The following ANKS1B variants were observed in gnomAD, a reference collection of about 807,000 sequenced individuals.
The protein encoded by ANKS1B is ankyrin repeat and sterile alpha motif domain containing 1B.
A neutral mutation model predicts 148.3 loss-of-function variants in ANKS1B; 36 were observed. The ratio of observed to expected loss-of-function variants is 0.24; its 90% CI spans 0.19 to 0.32. The LOEUF is 0.32. ANKS1B is among the 10% of genes least tolerant of loss of function. The pLI, the probability that ANKS1B is intolerant of heterozygous loss-of-function variation, is 1.00. For synonymous variants in ANKS1B, 542 were observed against 560.8 expected, an observed-to-expected ratio of 0.97 and a Z score of 0.47; for missense variants, 1,157 against 1,542.6, an observed-to-expected ratio of 0.75 and a Z score of 4.19.
chr12:99,426,514 T>C (rs1325943035), intron 11 of ANKS1B, among the ~76,000 whole-genome samples: 2 of 152,178 alleles, frequency 1.3e-5, no homozygotes, highest in African/African-American at 2.4e-5. Context: ...ATATCAGTTA[T>C]TCCTGTGTCC....
intron 17 of ANKS1B, among the ~76,000 whole-genome samples, chr12:98,852,192 T>C (rs2153773596): frequency 6.6e-6 from 1 of 152,182 alleles, no homozygotes; most frequent in Admixed American, 6.5e-5. Flanking sequence ...GCTCAGCAAT[T>C]AGAACTTGTT....
At chr12:98,901,993 A>C (rs1267407995) in intron 17 of ANKS1B, among the ~76,000 whole-genome samples, 2 of 152,200 alleles carry the variant, frequency 1.3e-5, no homozygotes, top group East Asian at 3.8e-4. Context: ...TTTGGATCAC[A>C]AATTTAAAAC....
intron 8 of ANKS1B, among the ~76,000 whole-genome samples, chr12:99,666,255 A>G (rs2153460466): frequency 6.6e-6 from 1 of 152,334 alleles, no homozygotes; most frequent in East Asian, 1.9e-4. Context: ...TTCTTCTTTG[A>G]AATTATTTTG....
At chr12:99,301,850 G>C (rs1343806554) in intron 12 of ANKS1B, among the ~76,000 whole-genome samples, 1 of 152,106 alleles carries the variant, frequency 6.6e-6, no homozygotes, top group Non-Finnish European at 1.5e-5. Context: ...GCAACGGTAA[G>C]GCATTGGAGA....
intron 19 of ANKS1B, among the ~76,000 whole-genome samples, chr12:98,824,962 T>C (rs750746750): frequency 1.3e-5 from 2 of 152,064 alleles, no homozygotes; most frequent in Non-Finnish European, 2.9e-5. Context: ...TTATGGCACA[T>C]GAGAAATTAG....
chr12:98,741,291 G>A (rs1241176605), downstream of ANKS1B, among the ~76,000 whole-genome samples: 2 of 152,120 alleles, frequency 1.3e-5, no homozygotes, highest in Non-Finnish European at 2.9e-5. Context: ...GAGTAACCGG[G>A]CATCTAGCTG....
intron 17 of ANKS1B, among the ~76,000 whole-genome samples, chr12:98,900,839 G>A (rs1054090450): frequency 1.3e-5 from 2 of 152,182 alleles, no homozygotes; most frequent in African/African-American, 4.8e-5. Flanking sequence ...TAAGGGATAG[G>A]AAAGTAAATT....
intron 15 of ANKS1B, among the ~76,000 whole-genome samples, chr12:99,145,145 T>C (rs968774118): frequency 3.3e-5 from 5 of 152,042 alleles, no homozygotes; most frequent in African/African-American, 9.7e-5. Flanking sequence ...CAAGGTGTCA[T>C]GGGAGGACAG....
intron 16 of ANKS1B, among the ~76,000 whole-genome samples, chr12:99,060,711 A>C (rs2042171295): frequency 2.8e-5 from 1 of 35,740 alleles, no homozygotes; most frequent in African/African-American, 5.7e-5. Context: ...ATATATATAG[A>C]GAGAGAGAGC....
At chr12:99,236,154 A>G (rs2087874899) in intron 14 of ANKS1B, among the ~76,000 whole-genome samples, 1 of 152,220 alleles carries the variant, frequency 6.6e-6, no homozygotes. Flanking sequence ...AGCAGTTGTA[A>G]TGATGCAGGT....
In ANKS1B at chr12:99,533,850, A is replaced by G. The variant is rs185484304; in HGVS notation, c.1273-29209T>C. Among the ~76,000 whole-genome samples the G allele has an allele frequency of 1.0e-3, 155 of 152,192 alleles. 5 individuals carry two copies. Among genetic ancestry groups the G allele is most frequent in the Admixed American group, 9.9e-3 (152 of 15,298 alleles). ...AGACTTTCAAAATATTGAATTATTT[A>G]TGTTAAATGACTCAATTAATTAACA... On this transcript the variant is annotated intron_variant, in intron 9 of 26. Transcript: ENST00000683438.
At chr12:99,076,837 T>C (rs1000862709) in intron 16 of ANKS1B, among the ~76,000 whole-genome samples, 4 of 152,176 alleles carry the variant, frequency 2.6e-5, no homozygotes, top group Non-Finnish European at 4.4e-5. Flanking sequence ...CCTGTTTTTT[T>C]AAATAAAGTT....
At chr12:98,772,936 C>T (rs970542945) in intron 25 of ANKS1B, 106 bp downstream of exon 25, 30 of 1,284,548 alleles carry the variant, frequency 2.3e-5, no homozygotes, top group African/African-American at 2.2e-4. Context: ...ATCTTAATAC[C>T]GGGTAAACAA....
Position 99,346,548 on chromosome 12 carries a change from G to A in ANKS1B, c.1756+53083C>T, listed in dbSNP as rs189396937. On this transcript the variant is annotated intron_variant, in intron 12 of 26. Transcript: ENST00000683438. ...AAGCCAACTTAAAATATGTTATGAA[G>A]GCATCAGCGAGAATGTCAGAGTAGG... is the stretch of plus-strand genomic sequence containing the variant. 7.7e-4 allele frequency among the ~76,000 whole-genome samples: 117 copies of A among 152,008 alleles called. 1 individual carries two copies. The South Asian group carries it at 0.014, about 19-fold the overall frequency.
intron 17 of ANKS1B, among the ~76,000 whole-genome samples, chr12:98,872,534 A>G (rs993392279): frequency 2.0e-5 from 3 of 152,234 alleles, no homozygotes; most frequent in South Asian, 4.2e-4. Context: ...GCTAGAACCT[A>G]TCTCAAAAAA....
At position 99,813,843 on chromosome 12, in the gene ANKS1B, T is replaced by G. The variant is rs538492382; in HGVS notation, c.216-1532A>C. ...AAATCTGAATTTAGAAGACTTGGATTTGTGTCCCAGCTATGCAAACTACCT... is the reference window on the plus strand; with the variant it reads ...AAATCTGAATTTAGAAGACTTGGATGTGTGTCCCAGCTATGCAAACTACCT... On this transcript the variant is annotated intron_variant, in intron 2 of 26. Transcript: ENST00000683438. Among the ~76,000 whole-genome samples, 5 of 151,864 alleles carry G rather than the reference T, an allele frequency of 3.3e-5. No individual in the cohort carries two copies. In the East Asian group the frequency reaches 9.7e-4, roughly 29 times the overall value.
intron 1 of ANKS1B, among the ~76,000 whole-genome samples, chr12:99,951,816 T>C (rs900008678): frequency 2.6e-5 from 4 of 151,768 alleles, no homozygotes; most frequent in African/African-American, 4.9e-5. Context: ...AGCCCAGCAG[T>C]TGGAGGTTAC....
intron 8 of ANKS1B, among the ~76,000 whole-genome samples, chr12:99,715,283 AAAG>A (rs904075148): frequency 2.0e-5 from 3 of 152,160 alleles, no homozygotes; most frequent in African/African-American, 7.2e-5. Flanking sequence ...TTCCACCATA[AAAG>A]AAGTGAAAAT....
chr12:99,152,277 C>T (rs1165922152), intron 15 of ANKS1B, among the ~76,000 whole-genome samples: 1 of 152,086 alleles, frequency 6.6e-6, no homozygotes, highest in Admixed American at 6.6e-5. Context: ...AATTAATTAA[C>T]TCCTCTAAAT....
Sources: gnomAD v4.1 joint callset for allele counts (sites outside exome capture counted in the v4.1 genomes callset) on GRCh38, gnomAD v4.1.1 for gene constraint, MANE v1.5 for transcripts, NCBI Gene and HGNC (gene_info 2026-07-23, HGNC 2026-07-21) for gene names.